Variants in NRXN3 observed in about 807,000 individuals in gnomAD.
NRXN3 encodes neurexin III.
Under a neutral mutation model 137.6 loss-of-function variants are expected in NRXN3, and 32 were observed. The observed-to-expected ratio is 0.23, with a 90% CI of 0.18 to 0.31. NRXN3 has a LOEUF of 0.31. Among genes scored for constraint, NRXN3 ranks in the 10% least tolerant of loss-of-function variants. The pLI is 1.00. For synonymous variants in NRXN3, 798 were observed against 784.5 expected (o/e 1.02, Z -0.29); for missense variants, 1,574 against 2,062.5 (o/e 0.76, Z 4.59).
intron 16 of NRXN3, among the ~76,000 whole-genome samples, chr14:79,535,952 G>T (rs1227906032): frequency 6.6e-6 from 1 of 152,178 alleles, no homozygotes; most frequent in Non-Finnish European, 1.5e-5. Flanking sequence ...CGAGAGCCCA[G>T]TGGGATTATA....
At chr14:78,811,743 T>C (rs906217047) in intron 10 of NRXN3, among the ~76,000 whole-genome samples, 1 of 152,182 alleles carries the variant, frequency 6.6e-6, no homozygotes. Context: ...CCAATTCTAC[T>C]TTTTGGGGGG....
At chr14:78,282,379 C>T (rs2074525516) in intron 3 of NRXN3, 1 of 327,544 alleles carries the variant, frequency 3.1e-6, no homozygotes, top group Non-Finnish European at 6.2e-6. Flanking sequence ...CTCCCCTCCC[C>T]CAGTGCTTCT....
chr14:78,932,411 G>T (rs539675415), intron 10 of NRXN3, among the ~76,000 whole-genome samples: 5 of 152,128 alleles, frequency 3.3e-5, no homozygotes, highest in Non-Finnish European at 7.3e-5. Flanking sequence ...CTGTTGACAG[G>T]TGGTCCAATT....
intron 16 of NRXN3, among the ~76,000 whole-genome samples, chr14:79,490,954 C>T (rs1310380568): frequency 6.6e-6 from 1 of 151,972 alleles, no homozygotes; most frequent in Non-Finnish European, 1.5e-5. Flanking sequence ...TATGTACCCA[C>T]AAATTTAAAA....
At chr14:79,116,379 C>T (rs1300988436) in intron 15 of NRXN3, among the ~76,000 whole-genome samples, 3 of 152,204 alleles carry the variant, frequency 2.0e-5, no homozygotes, top group Non-Finnish European at 4.4e-5. Context: ...CTTTCTCTTT[C>T]ATAGCTTCCA....
chr14:79,678,402 T>C (rs1033494074), intron 17 of NRXN3, among the ~76,000 whole-genome samples: 3 of 152,164 alleles, frequency 2.0e-5, no homozygotes, highest in African/African-American at 7.2e-5. Flanking sequence ...AACTGAATAA[T>C]AGGACTTGAA....
At chr14:79,721,556 A>G (rs2098844638) in intron 19 of NRXN3, among the ~76,000 whole-genome samples, 1 of 152,128 alleles carries the variant, frequency 6.6e-6, no homozygotes, top group East Asian at 1.9e-4. Flanking sequence ...AATCTACGGG[A>G]ATGATTAGGG....
intron 3 of NRXN3, among the ~76,000 whole-genome samples, chr14:78,292,910 G>T (rs558083779): frequency 2.0e-5 from 3 of 152,238 alleles, no homozygotes; most frequent in African/African-American, 7.2e-5. Context: ...TGCTGCTGAT[G>T]GGCATGCATT....
chr14:78,292,358 A>T (rs183406218), intron 3 of NRXN3, among the ~76,000 whole-genome samples: 4 of 152,182 alleles, frequency 2.6e-5, no homozygotes, highest in African/African-American at 9.6e-5. Context: ...TTCTAAGGCA[A>T]TTTCAACTTT....
At chr14:79,016,281 T>C (rs1357363160) in intron 15 of NRXN3, among the ~76,000 whole-genome samples, 1 of 152,198 alleles carries the variant, frequency 6.6e-6, no homozygotes, top group Non-Finnish European at 1.5e-5. Context: ...AATTTGTTTT[T>C]GGTTTGGTTT....
At chr14:78,878,722 C>T (rs1010960589) in intron 10 of NRXN3, among the ~76,000 whole-genome samples, 2 of 152,118 alleles carry the variant, frequency 1.3e-5, no homozygotes, top group South Asian at 2.1e-4. Flanking sequence ...TAAACTCTCT[C>T]TTTGCAATTT....
intron 15 of NRXN3, among the ~76,000 whole-genome samples, chr14:79,264,169 A>G (rs1298257076): frequency 6.6e-6 from 1 of 152,104 alleles, no homozygotes; most frequent in African/African-American, 2.4e-5. Context: ...GCTCACTGCA[A>G]CTTCCGCCTC....
intron 20 of NRXN3, among the ~76,000 whole-genome samples, chr14:79,833,203 A>G (rs1254551750): frequency 4.6e-5 from 7 of 152,168 alleles, no homozygotes; most frequent in Admixed American, 4.6e-4. Context: ...ACTGGTGCTG[A>G]TGAATATCAA....
intron 15 of NRXN3, among the ~76,000 whole-genome samples, chr14:79,286,957 T>G (rs1295429308): frequency 1.3e-5 from 2 of 152,208 alleles, no homozygotes; most frequent in Non-Finnish European, 2.9e-5. Flanking sequence ...AAGTTGTATT[T>G]TGTACATTCT....
intron 15 of NRXN3, among the ~76,000 whole-genome samples, chr14:79,135,096 G>A (rs2058084749): frequency 6.6e-6 from 1 of 152,140 alleles, no homozygotes; most frequent in Admixed American, 6.5e-5. Context: ...AGGAATATGG[G>A]AGGTACATGA....
At chr14:79,315,903 G>A (rs376447430) in intron 15 of NRXN3, among the ~76,000 whole-genome samples, 18 of 152,326 alleles carry the variant, frequency 1.2e-4, no homozygotes, top group East Asian at 3.9e-4. Context: ...TGGAAAGAAA[G>A]CAGAGCGAGA....
chr14:79,743,594 T>C (rs2098969941), intron 19 of NRXN3, among the ~76,000 whole-genome samples: 1 of 152,198 alleles, frequency 6.6e-6, no homozygotes, highest in Non-Finnish European at 1.5e-5. Flanking sequence ...CAAGTGATTC[T>C]AATAGGTGGT....
At chr14:79,754,505 TATATATATATATATATA>T (rs1196305465) in intron 19 of NRXN3, among the ~76,000 whole-genome samples, 4 of 188 alleles carry the variant, frequency 0.021, no homozygotes, top group Non-Finnish European at 0.061. Flanking sequence ...TCTCTCTTGA[TATATATATATATATATA>T]TATATATATA....
chr14:78,356,432 G>A (rs899292714), intron 4 of NRXN3, among the ~76,000 whole-genome samples: 6 of 152,240 alleles, frequency 3.9e-5, no homozygotes, highest in Non-Finnish European at 8.8e-5. Context: ...ATCCTAGAAA[G>A]GAACAAACTT....
Sources: allele counts gnomAD v4.1 joint callset (sites outside exome capture counted in the v4.1 genomes callset), GRCh38; gene constraint gnomAD v4.1.1; transcripts MANE v1.5; gene names NCBI Gene and HGNC (gene_info 2026-07-23, HGNC 2026-07-21).